Variants in LRRC4C observed in about 807,000 individuals in gnomAD.
LRRC4C encodes leucine-rich repeat-containing protein 4C.
In LRRC4C, 5 loss-of-function variants were observed where a neutral mutation model predicts 33.6. The ratio of observed to expected loss-of-function variants is 0.15; its 90% CI spans 0.08 to 0.31. The LOEUF (loss-of-function observed/expected upper bound fraction) is 0.31. LRRC4C is among the 10% of genes least tolerant of loss of function. The pLI, the probability that LRRC4C is intolerant of heterozygous loss-of-function variation, is 1.00. For missense variants in LRRC4C, 560 were observed against 796.7 expected (o/e 0.70, Z 3.58); for synonymous variants, 329 against 302.0 (o/e 1.09, Z -0.93).
intron 3 of LRRC4C, among the ~76,000 whole-genome samples, chr11:40,426,769 TTGAA>T (rs1335932885): frequency 1.3e-5 from 2 of 152,236 alleles, no homozygotes; most frequent in Non-Finnish European, 2.9e-5. Context: ...GAAATATTTG[TTGAA>T]TGAATGAATA....
At chr11:40,987,862 G>T (rs1853187357) in intron 1 of LRRC4C, among the ~76,000 whole-genome samples, 1 of 151,704 alleles carries the variant, frequency 6.6e-6, no homozygotes, top group African/African-American at 2.4e-5. Flanking sequence ...GTGCCATGCT[G>T]GTCTCTTGTC....
intron 5 of LRRC4C, among the ~76,000 whole-genome samples, chr11:40,158,601 C>T (rs984260361): frequency 1.3e-5 from 2 of 150,178 alleles, no homozygotes; most frequent in Admixed American, 1.3e-4. Flanking sequence ...AAATAGATTC[C>T]CTGGCATGTG....
At chr11:40,758,888 C>A (rs1315318208) in intron 2 of LRRC4C, among the ~76,000 whole-genome samples, 1 of 151,796 alleles carries the variant, frequency 6.6e-6, no homozygotes, top group Non-Finnish European at 1.5e-5. Context: ...ACCCCACAAA[C>A]AATGTAATGA....
intron 3 of LRRC4C, among the ~76,000 whole-genome samples, chr11:40,429,860 G>A (rs1178487472): frequency 1.3e-5 from 2 of 152,158 alleles, no homozygotes; most frequent in African/African-American, 2.4e-5. Context: ...TTTTTGAAGG[G>A]TATCCCAACT....
intron 3 of LRRC4C, among the ~76,000 whole-genome samples, chr11:40,436,947 T>A (rs1447693532): frequency 2.0e-5 from 3 of 151,818 alleles, no homozygotes; most frequent in Non-Finnish European, 4.4e-5. Context: ...AGGCCAGAGG[T>A]GGTTTGGGAT....
chr11:40,210,145 T>C (rs551825397), intron 5 of LRRC4C, among the ~76,000 whole-genome samples: 2 of 149,970 alleles, frequency 1.3e-5, no homozygotes, highest in Non-Finnish European at 3.0e-5. Flanking sequence ...AAAGAATATA[T>C]ATAAAAAAAA....
intron 3 of LRRC4C, among the ~76,000 whole-genome samples, chr11:40,477,001 C>A (rs751704249): frequency 6.6e-6 from 1 of 152,126 alleles, no homozygotes; most frequent in Non-Finnish European, 1.5e-5. Flanking sequence ...TTTTTCATCT[C>A]TTTCCTTTTA....
At chr11:41,162,311 C>T (rs567991479) in intron 1 of LRRC4C, among the ~76,000 whole-genome samples, 3 of 152,206 alleles carry the variant, frequency 2.0e-5, no homozygotes, top group East Asian at 3.9e-4. Flanking sequence ...CTCCCTAATA[C>T]CTTAATATTT....
At chr11:40,513,475 C>T (rs58335760) in intron 3 of LRRC4C, among the ~76,000 whole-genome samples, 3,343 of 152,130 alleles carry the variant, frequency 0.022, 99 homozygotes, top group African/African-American at 0.068. Context: ...TAGCAAACCA[C>T]AGACTAGCAA....
intron 2 of LRRC4C, among the ~76,000 whole-genome samples, chr11:40,781,336 T>C (rs1411757414): frequency 6.6e-6 from 1 of 152,296 alleles, no homozygotes; most frequent in East Asian, 1.9e-4. Context: ...CACATATATT[T>C]ATATATACAA....
At chr11:40,910,537 T>C (rs935522943) in intron 2 of LRRC4C, among the ~76,000 whole-genome samples, 1 of 152,182 alleles carries the variant, frequency 6.6e-6, no homozygotes, top group Non-Finnish European at 1.5e-5. Context: ...TAGTAAGCCA[T>C]ATTCATTAAA....
chr11:40,483,662 T>A (rs1253840475), intron 3 of LRRC4C, among the ~76,000 whole-genome samples: 2 of 151,842 alleles, frequency 1.3e-5, no homozygotes, highest in African/African-American at 4.8e-5. Flanking sequence ...GGAAAGCACA[T>A]AGACACTGAA....
In LRRC4C at chr11:40,230,431, A is replaced by C. The variant is rs549060750; in HGVS notation, c.-96+11088T>G. Reference sequence around the variant, plus strand: ...TGTTTACCCAAGAGGGAGAAGAAGAAAATTGGCAGGGGATGAGGAGGATTT... The same window carrying C: ...TGTTTACCCAAGAGGGAGAAGAAGACAATTGGCAGGGGATGAGGAGGATTT... On this transcript the variant is annotated intron_variant, in intron 5 of 6. Coordinates refer to ENST00000528697, the MANE Select transcript of LRRC4C (RefSeq NM_001258419.2). Among the ~76,000 whole-genome samples the C allele has an allele frequency of 2.6e-3, 392 of 152,262 alleles. 2 individuals are homozygous for C. The highest frequency in any genetic ancestry group is 8.9e-3 in the African/African-American group (370 of 41,566).
At chr11:40,894,458 G>C (rs1194393808) in intron 2 of LRRC4C, among the ~76,000 whole-genome samples, 1 of 152,094 alleles carries the variant, frequency 6.6e-6, no homozygotes, top group Non-Finnish European at 1.5e-5. Flanking sequence ...ATTTTACAGA[G>C]ATATTGACAC....
chr11:40,168,403 T>G (rs1442512633), intron 5 of LRRC4C, among the ~76,000 whole-genome samples: 1 of 152,170 alleles, frequency 6.6e-6, no homozygotes, highest in East Asian at 1.9e-4. Flanking sequence ...GAAGGGTTCG[T>G]TCAGATTTGC....
chr11:41,210,518 A>G (rs1178666317), intron 1 of LRRC4C, among the ~76,000 whole-genome samples: 2 of 152,116 alleles, frequency 1.3e-5, no homozygotes, highest in Non-Finnish European at 2.9e-5. Context: ...TTCTTTATAA[A>G]TTACCCAGTC....
At chr11:40,387,990 G>T (rs1041104712) in intron 3 of LRRC4C, among the ~76,000 whole-genome samples, 1 of 152,022 alleles carries the variant, frequency 6.6e-6, no homozygotes, top group Non-Finnish European at 1.5e-5. Flanking sequence ...TTGACTCAAG[G>T]ATGAAATATA....
At chr11:40,236,794 C>T (rs1565170456) in intron 5 of LRRC4C, among the ~76,000 whole-genome samples, 1 of 152,118 alleles carries the variant, frequency 6.6e-6, no homozygotes. Context: ...TCTGCATACA[C>T]AGAAAAATAA....
At chr11:40,751,352 T>A (rs188737862) in intron 2 of LRRC4C, among the ~76,000 whole-genome samples, 2 of 152,228 alleles carry the variant, frequency 1.3e-5, no homozygotes, top group East Asian at 3.9e-4. Context: ...GCTATAATCT[T>A]ATATTTAGAA....
Sources: gnomAD v4.1 joint callset for allele counts (sites outside exome capture counted in the v4.1 genomes callset) on GRCh38, gnomAD v4.1.1 for gene constraint, MANE v1.5 for transcripts, NCBI Gene and HGNC (gene_info 2026-07-23, HGNC 2026-07-21) for gene names.